MUC3A: variants seen among roughly 807,000 people sequenced by gnomAD.
MUC3A encodes the protein mucin-3A.
A neutral mutation model predicts 109.0 loss-of-function variants in MUC3A; 109 were observed. The observed-to-expected ratio is 1.00, with a 90% CI of 0.86 to 1.17. The LOEUF (loss-of-function observed/expected upper bound fraction) is 1.17, where lower values mean the gene tolerates loss of function less well. MUC3A is among the 50% of genes most tolerant of loss of function. The pLI is 0.00. For synonymous variants in MUC3A, 1,398 were observed against 981.4 expected (o/e 1.42, Z -7.93); for missense variants, 3,537 against 2,469.4 (o/e 1.43, Z -9.16).
chr7:100,961,044 C>T (rs952990763), intron 3 of MUC3A, 107 bp downstream of exon 3: 289 of 1,564,682 alleles, frequency 1.8e-4, no homozygotes, highest in African/African-American at 1.0e-3. Context: ...CCTTTTTGCC[C>T]GGTCCTTCCC....
At chr7:100,962,847 C>T (rs1193717277) in intron 3 of MUC3A, among the ~76,000 whole-genome samples, 106 of 129,324 alleles carry the variant, frequency 8.2e-4, no homozygotes, top group South Asian at 1.7e-3. Flanking sequence ...TTCTCTCTCT[C>T]TCTCTATCTT....
chr7:100,963,814 A>G (rs994932345), intron 5 of MUC3A, 62 bp downstream of exon 5: 1,325 of 1,591,634 alleles, frequency 8.3e-4, no homozygotes, highest in Admixed American at 1.1e-3. Context: ...CGCACACAAA[A>G]AACCCATTCC....
intron 6 of MUC3A, 28 bp from the exon 7 acceptor site, chr7:100,965,254 C>T (rs753276913): frequency 3.1e-6 from 5 of 1,597,412 alleles, no homozygotes; most frequent in Admixed American, 1.7e-5. Flanking sequence ...CTGCCCCGCC[C>T]ATTCCATCTG....
At position 100,962,544 on chromosome 7, in the gene MUC3A, G is replaced by C. The variant is rs548009409; in HGVS notation, c.9053-607G>C. Among the ~76,000 whole-genome samples the C allele has an allele frequency of 3.0e-4, 45 of 152,422 alleles. No homozygotes were observed. In the South Asian group the frequency reaches 8.9e-3, roughly 30 times the overall value. On this transcript the variant is annotated intron_variant, in intron 3 of 11. Coordinates refer to ENST00000379458, the MANE Select transcript of MUC3A (RefSeq NM_005960.2). ...GACATGGACATCTTCCCACTATGGGGGCAGCCAGGAGGGACCACAGGCTGA... is the reference window on the plus strand; with the variant it reads ...GACATGGACATCTTCCCACTATGGGCGCAGCCAGGAGGGACCACAGGCTGA...
chr7:100,959,217 C>G lies in MUC3A; in HGVS notation c.7438C>G (p.Leu2480Val). ...VTPTPVTPSS[L>V]STDIPTTSLR... ...TCCCACACCTGTAACCCCATCTTCT[C>G]TGAGTACAGACATCCCGACCACAAG... is the stretch of plus-strand genomic sequence containing the variant. Residue 2480 changes from leucine (L) to valine (V), a missense_variant, in exon 2 of 12, where the codon CTG becomes GTG. Leu to Val is a conservative substitution (Grantham distance 32, BLOSUM62 1). Coordinates refer to ENST00000379458, the MANE Select transcript of MUC3A (RefSeq NM_005960.2). 7 of 1,598,498 alleles carry G rather than the reference C, an allele frequency of 4.4e-6. No homozygotes were observed. The South Asian group carries it at 4.4e-5, about 10-fold the overall frequency.
intron 5 of MUC3A, chr7:100,963,983 A>G: frequency 1.5e-6 from 1 of 653,758 alleles, no homozygotes. Context: ...AGTTGCAGGG[A>G]CATGTGGGAA....
intron 5 of MUC3A, 46 bp from the exon 6 acceptor site, chr7:100,964,649 C>T (rs760929619): frequency 1.1e-5 from 17 of 1,557,584 alleles, no homozygotes; most frequent in Non-Finnish European, 1.5e-5. Flanking sequence ...TCCAAGGACC[C>T]ATATGTTCCT....
intron 8 of MUC3A, 24 bp from the exon 9 acceptor site, chr7:100,966,362 G>T: frequency 2.3e-6 from 3 of 1,319,616 alleles, no homozygotes. Context: ...GGTGAAGAGG[G>T]TCTGACCCTG....
intron 3 of MUC3A, among the ~76,000 whole-genome samples, chr7:100,962,676 TTC>T (rs2116212401): frequency 2.7e-5 from 2 of 74,262 alleles, no homozygotes; most frequent in South Asian, 4.4e-4. Flanking sequence ...TTTTCTTTTT[TTC>T]TTTCTCTTTT....
intron 1 of MUC3A, among the ~76,000 whole-genome samples, chr7:100,950,419 G>T (rs1462546447): frequency 6.6e-6 from 1 of 152,184 alleles, no homozygotes; most frequent in African/African-American, 2.4e-5. Context: ...TCTGATCCCC[G>T]ATCCCAGGCC....
Position 100,956,984 on chromosome 7 carries a change from A to C in MUC3A, c.5205A>C (p.Thr1735=), listed in dbSNP as rs1792113407. 4.6e-6 allele frequency: 2 copies of C among 434,012 alleles called. No individual in the cohort carries two copies. The highest frequency in any genetic ancestry group is 8.1e-6 in the Non-Finnish European group (2 of 247,776). The allele number at this position is 434,012 out of a possible 1,614,324, so 26.9% of individuals were successfully genotyped here. A position where few individuals can be genotyped will look rare whatever the true frequency, so the allele number is the denominator to read the frequency against. The change falls in exon 2 of 12, where the codon ACA becomes ACC. Residue 1735 remains threonine, a synonymous_variant. Coordinates refer to ENST00000379458, the MANE Select transcript of MUC3A (RefSeq NM_005960.2). Reference sequence around the variant, plus strand: ...CTACATTCACCAGTTCAACAGCCACATCCCCTAAGACCACCACACTGACTC... The same window carrying C: ...CTACATTCACCAGTTCAACAGCCACCTCCCCTAAGACCACCACACTGACTC... ...GQTTFTSSTA[T]SPKTTTLTPT...
chr7:100,958,188 G>C lies in MUC3A; in HGVS notation c.6409G>C (p.Ala2137Pro), dbSNP rs1248953209. The C allele has an allele frequency of 9.2e-4, 245 of 265,152 alleles. No individual in the cohort carries two copies. The highest frequency in any genetic ancestry group is 3.2e-3 in the African/African-American group (36 of 11,142). The allele number at this position is 265,152 out of a possible 1,614,324, so 16.4% of individuals were successfully genotyped here. Residue 2137 changes from alanine to proline, a missense_variant, in exon 2 of 12, where the codon GCC (alanine) becomes CCC (proline). Transcript: ENST00000379458. ...TTCTTCGATCACCACCACTGAGAAC[G>C]CCACACACAGTACTCCCAACTTCAC... The part of the protein sequence containing the change: ...FTSSITTTEN[A>P]THSTPNFTSS...
At position 100,964,966 on chromosome 7, in the gene MUC3A, G is replaced by C. The variant is rs145676439; in HGVS notation, c.9382+123G>C. The C allele has an allele frequency of 6.4e-6, 9 of 1,413,824 alleles. No homozygotes were observed. The Admixed American group carries it at 9.6e-5, about 15-fold the overall frequency. The allele number at this position is 1,413,824 out of a possible 1,614,324, so 87.6% of individuals were successfully genotyped here. A position where few individuals can be genotyped will look rare whatever the true frequency, so the allele number is the denominator to read the frequency against. ...GGTACCTCTGGCAGGTTGGGAGAAG[G>C]GGAATAAGTCCACACACAACGGTGT... On this transcript the variant is annotated intron_variant, in intron 6 of 11. Transcript: ENST00000379458.
At position 100,959,148 on chromosome 7, in the gene MUC3A, A is replaced by G. The variant is rs766383955; in HGVS notation, c.7369A>G (p.Thr2457Ala). 1 of 1,581,640 alleles carries G rather than the reference A, an allele frequency of 6.3e-7. No homozygotes were observed. Among genetic ancestry groups the G allele is most frequent in the East Asian group, 2.3e-5 (1 of 44,404 alleles). ...CTACTCCACAGTCAGCACATCCACA[A>G]CTGCCATCACCTCACATTTTACTAC... ...TIYSTVSTST[T>A]AITSHFTTSE... The change falls in exon 2 of 12, where the codon ACT becomes GCT. Residue 2457 changes from threonine to alanine, a missense_variant. By Grantham distance (58) the Thr-to-Ala change is moderately conservative. Transcript: ENST00000379458.
chr7:100,965,432 AG>A, intron 7 of MUC3A, 85 bp downstream of exon 7: 2 of 1,546,756 alleles, frequency 1.3e-6, no homozygotes, highest in Non-Finnish European at 1.7e-6. Flanking sequence ...GCCTGTGGGC[AG>A]GGAGAGACCT....
Position 100,960,108 on chromosome 7 carries a change from A to G in MUC3A, c.8329A>G (p.Ile2777Val), listed in dbSNP as rs775973089. 25 of 1,533,960 alleles carry G rather than the reference A, an allele frequency of 1.6e-5. No homozygotes were observed. In the Admixed American group the frequency reaches 4.1e-4, roughly 25 times the overall value. Residue 2777 changes from isoleucine to valine, a missense_variant, in exon 2 of 12, where the codon ATA becomes GTA. Ile to Val is a conservative substitution (Grantham distance 29). Coordinates refer to ENST00000379458, the MANE Select transcript of MUC3A (RefSeq NM_005960.2). Reference sequence around the variant, plus strand: ...CTGTCCAGGAACTATAACAATTACCATAGTCCCTGCCTCCCCCACTGATCC... The same window carrying G: ...CTGTCCAGGAACTATAACAATTACCGTAGTCCCTGCCTCCCCCACTGATCC... ...TPCPGTITIT[I>V]VPASPTDPCV...
chr7:100,961,169 T>A (rs1792313920), intron 3 of MUC3A, among the ~76,000 whole-genome samples: 1 of 152,310 alleles, frequency 6.6e-6, no homozygotes, highest in African/African-American at 2.4e-5. Flanking sequence ...TGACTTGGGC[T>A]GCTTGGAGCT....
rs1057466307 is a variant in MUC3A, at chr7:100,959,009, T to G, written c.7230T>G (p.Thr2410=). The G allele has an allele frequency of 6.3e-7, 1 of 1,587,956 alleles. No homozygotes were observed. The highest frequency in any genetic ancestry group is 8.5e-7 in the Non-Finnish European group (1 of 1,173,782). Residue 2410 remains threonine (T), a synonymous_variant, in exon 2 of 12, where the codon ACT becomes ACG. Coordinates refer to ENST00000379458, the MANE Select transcript of MUC3A (RefSeq NM_005960.2). ...CCTCACACATTACTCCTGGCCTCAC[T>G]TCTTCAATCACCACCACTGAGACTA... ...KTTSHITPGL[T]SSITTTETTS...
rs2116182930 is a variant in MUC3A at position 100,957,899 on chromosome 7, T to G, written c.6120T>G (p.Thr2040=). 7 of 599,586 alleles carry G rather than the reference T, an allele frequency of 1.2e-5. No homozygotes were observed. The East Asian group carries it at 1.7e-4, about 15-fold the overall frequency. The allele number at this position is 599,586 out of a possible 1,614,324, so 37.1% of individuals were successfully genotyped here. The change falls in exon 2 of 12, where the codon ACT becomes ACG. Residue 2040 remains threonine (T), a synonymous_variant. Transcript: ENST00000379458. ...CCACCGAGACCACATCCCATAGTAC[T>G]CCCAGCTTCACTTCTTCGATCACCA... is the stretch of plus-strand genomic sequence containing the variant. The part of the protein sequence containing the change: ...ITTTETTSHS[T]PSFTSSITTE...
Sources: gnomAD v4.1 joint callset for allele counts (sites outside exome capture counted in the v4.1 genomes callset) on GRCh38, gnomAD v4.1.1 for gene constraint, MANE v1.5 for transcripts, NCBI Gene and HGNC (gene_info 2026-07-23, HGNC 2026-07-21) for gene names.